Variants in FRMPD1 observed in about 807,000 individuals in gnomAD.
FRMPD1 encodes the protein FERM and PDZ domain-containing protein 1.
Under a neutral mutation model 117.8 loss-of-function variants are expected in FRMPD1, and 76 were observed. The ratio of observed to expected loss-of-function variants is 0.65; its 90% CI spans 0.54 to 0.78. The LOEUF (loss-of-function observed/expected upper bound fraction) is 0.78. Among genes scored for constraint, FRMPD1 ranks in the 30% least tolerant of loss-of-function variants. FRMPD1 has a pLI of 0.00. For synonymous variants in FRMPD1, 783 were observed against 770.4 expected (o/e 1.02, Z -0.27); for missense variants, 1,786 against 1,964.5 (o/e 0.91, Z 1.72).
rs1588968172 is a variant in FRMPD1 at position 37,735,401 on chromosome 9, G to A, written c.1219-151G>A. On this transcript the variant is annotated intron_variant, in intron 12 of 15. Transcript: ENST00000377765. ...TTACACTTTGATTTAGCTGTTGATGGGGTCCAAGTTAGGCAATAGTCTGGA... is the reference window on the plus strand; with the variant it reads ...TTACACTTTGATTTAGCTGTTGATGAGGTCCAAGTTAGGCAATAGTCTGGA... 7 of 622,298 alleles carry A rather than the reference G, an allele frequency of 1.1e-5. No homozygotes were observed. In the East Asian group the frequency reaches 1.8e-4, roughly 16 times the overall value. The allele number at this position is 622,298 out of a possible 1,614,324, so 38.5% of individuals were successfully genotyped here.
intron 5 of FRMPD1, among the ~76,000 whole-genome samples, chr9:37,717,190 A>G (rs1177250850): frequency 6.6e-6 from 1 of 152,022 alleles, no homozygotes; most frequent in Non-Finnish European, 1.5e-5. Flanking sequence ...CAAAGGAAAA[A>G]TGAACTTGAT....
At chr9:37,743,073 C>T (rs1157270057) in intron 15 of FRMPD1, among the ~76,000 whole-genome samples, 2 of 152,198 alleles carry the variant, frequency 1.3e-5, no homozygotes, top group Non-Finnish European at 2.9e-5. Context: ...TTCTCAAGTG[C>T]TAGGCTCTGA....
intron 6 of FRMPD1, among the ~76,000 whole-genome samples, chr9:37,722,029 A>G (rs1823421076): frequency 6.6e-6 from 1 of 152,218 alleles, no homozygotes; most frequent in Non-Finnish European, 1.5e-5. Context: ...TTAAATCACA[A>G]AGAAAGTACT....
chr9:37,688,797 A>G (rs1459801512), intron 1 of FRMPD1, among the ~76,000 whole-genome samples: 2 of 152,102 alleles, frequency 1.3e-5, no homozygotes, highest in Non-Finnish European at 2.9e-5. Context: ...TTAATTAAGA[A>G]ACATCTATAC....
the FRMPD1 span, among the ~76,000 whole-genome samples, chr9:37,620,454 C>A: frequency 6.6e-6 from 1 of 151,966 alleles, no homozygotes; most frequent in Non-Finnish European, 1.5e-5. Context: ...CCATAAATCA[C>A]TTAGTCCAGC....
chr9:37,705,456 C>G (rs1018980721), intron 2 of FRMPD1, among the ~76,000 whole-genome samples: 1 of 152,066 alleles, frequency 6.6e-6, no homozygotes, highest in Non-Finnish European at 1.5e-5. Flanking sequence ...CCACCAAGTC[C>G]TGCTATTTTT....
In FRMPD1 at chr9:37,717,382, T is replaced by TATA. The variant is rs1491339188; in HGVS notation, c.409-1687_409-1686insATA. Among the ~76,000 whole-genome samples, 89 of 86,548 alleles carry TATA rather than the reference T, an allele frequency of 1.0e-3. 1 individual carries two copies. Among genetic ancestry groups the TATA allele is most frequent in the Non-Finnish European group, 1.6e-3 (63 of 40,580 alleles). The allele number at this position is 86,548 out of a possible 152,430, so 56.8% of individuals were successfully genotyped here. A position where few individuals can be genotyped will look rare whatever the true frequency, so the allele number is the denominator to read the frequency against. On this transcript the variant is annotated intron_variant, in intron 5 of 15. Transcript: ENST00000377765. The stretch of plus-strand genomic sequence containing the variant: ...GTGTGTGTGTGTGTATATATATATA[T>TATA]TTTTTTTTTTTTTTTGAGATGTAGT...
At chr9:37,680,798 T>C (rs1239797411) in intron 1 of FRMPD1, among the ~76,000 whole-genome samples, 2 of 152,144 alleles carry the variant, frequency 1.3e-5, no homozygotes, top group Non-Finnish European at 2.9e-5. Flanking sequence ...TCAATGCCCT[T>C]TTCTATAATA....
chr9:37,692,099 A>T (rs1472937450), intron 1 of FRMPD1, among the ~76,000 whole-genome samples: 1 of 152,244 alleles, frequency 6.6e-6, no homozygotes, highest in Non-Finnish European at 1.5e-5. Flanking sequence ...TTAAGCACAC[A>T]ATACAGTAAC....
At chr9:37,708,337 A>G (rs1588946226) in intron 3 of FRMPD1, 62 bp from the exon 4 acceptor site, 1 of 986,812 alleles carries the variant, frequency 1.0e-6, no homozygotes, top group Middle Eastern at 3.0e-4. Context: ...CTGTGCCGCT[A>G]TTACACATAG....
the FRMPD1 span, among the ~76,000 whole-genome samples, chr9:37,630,250 T>C: frequency 6.6e-6 from 1 of 152,234 alleles, no homozygotes; most frequent in Non-Finnish European, 1.5e-5. Context: ...ACCTCTGAGA[T>C]TGGAATATGT....
intron 1 of FRMPD1, among the ~76,000 whole-genome samples, chr9:37,653,854 G>C (rs1033983475): frequency 6.6e-6 from 1 of 152,098 alleles, no homozygotes; most frequent in African/African-American, 2.4e-5. Flanking sequence ...TACTTGGGAG[G>C]CTGAGGTGCT....
At chr9:37,636,418 G>C in the FRMPD1 span, among the ~76,000 whole-genome samples, 1 of 152,152 alleles carries the variant, frequency 6.6e-6, no homozygotes, top group Non-Finnish European at 1.5e-5. Flanking sequence ...AGGTGTGTAG[G>C]GGGGGCATCT....
intron 1 of FRMPD1, among the ~76,000 whole-genome samples, chr9:37,683,431 G>T (rs559609040): frequency 6.6e-6 from 1 of 152,314 alleles, no homozygotes; most frequent in Non-Finnish European, 1.5e-5. Flanking sequence ...GCTGGGCAGG[G>T]ATCATTATCA....
chr9:37,625,726 C>T, the FRMPD1 span, among the ~76,000 whole-genome samples: 3 of 152,144 alleles, frequency 2.0e-5, no homozygotes, highest in African/African-American at 7.2e-5. Flanking sequence ...CTGGGGTGGG[C>T]GTGGGGCAGG....
chr9:37,714,726 A>C (rs1823045381), intron 5 of FRMPD1, among the ~76,000 whole-genome samples: 1 of 151,582 alleles, frequency 6.6e-6, no homozygotes, highest in African/African-American at 2.4e-5. Flanking sequence ...GGCTCACTGC[A>C]ACCTCCGCCT....
chr9:37,693,740 G>T (rs557795262), intron 2 of FRMPD1, among the ~76,000 whole-genome samples: 1 of 152,160 alleles, frequency 6.6e-6, no homozygotes, highest in African/African-American at 2.4e-5. Flanking sequence ...GTATGCTCCA[G>T]CTAAAGGGAA....
rs1588956742 is a variant in FRMPD1 at position 37,721,615 on chromosome 9, G to T, written c.516+2439G>T. On this transcript the variant is annotated intron_variant, in intron 6 of 15. Transcript: ENST00000377765. ...GGAAAAAAAACAAAATTTAATGACT[G>T]CTATAAAAAATGACCCAGAGATTGC... is the stretch of plus-strand genomic sequence containing the variant. Among the ~76,000 whole-genome samples, 3 of 152,196 alleles carry T rather than the reference G, an allele frequency of 2.0e-5. 1 individual carries two copies. Among genetic ancestry groups the T allele is most frequent in the Admixed American group, 2.0e-4 (3 of 15,286 alleles).
the FRMPD1 span, among the ~76,000 whole-genome samples, chr9:37,613,567 G>A: frequency 1.3e-5 from 2 of 152,112 alleles, no homozygotes; most frequent in Admixed American, 6.6e-5. Context: ...GAGACACAGC[G>A]GAAAAATATT....
Sources: allele counts gnomAD v4.1 joint callset (sites outside exome capture counted in the v4.1 genomes callset), GRCh38; gene constraint gnomAD v4.1.1; transcripts MANE v1.5; gene names NCBI Gene and HGNC (gene_info 2026-07-23, HGNC 2026-07-21).